NUCB2: variants seen among roughly 807,000 people sequenced by gnomAD.
NUCB2 encodes nucleobindin 2, also known as nucleobindin-2.
Under a neutral mutation model 57.9 loss-of-function variants are expected in NUCB2, and 48 were observed. The observed-to-expected ratio is 0.83, with a 90% CI of 0.66 to 1.05. NUCB2 has a LOEUF of 1.05. Among genes scored for constraint, NUCB2 ranks in the 50% least tolerant of loss-of-function variants. The probability of loss-of-function intolerance (pLI) is 0.00; values close to 1 mark genes in which losing one functional copy is unlikely to be tolerated. For missense variants in NUCB2, 442 were observed against 476.2 expected, an observed-to-expected ratio of 0.93 and a Z score of 0.67; for synonymous variants, 139 against 152.1, an observed-to-expected ratio of 0.91 and a Z score of 0.64.
chr11:17,285,031 A>G (rs747435044), intron 2 of NUCB2, among the ~76,000 whole-genome samples: 4 of 152,166 alleles, frequency 2.6e-5, no homozygotes, highest in Non-Finnish European at 4.4e-5. Context: ...ACATACATAC[A>G]TACATACATA....
chr11:17,285,433 C>T (rs2138030570), intron 2 of NUCB2, among the ~76,000 whole-genome samples: 1 of 152,194 alleles, frequency 6.6e-6, no homozygotes, highest in African/African-American at 2.4e-5. Flanking sequence ...AAAAATTAGC[C>T]AGGCATGGTG....
intron 4 of NUCB2, among the ~76,000 whole-genome samples, chr11:17,299,515 A>G (rs1448779551): frequency 6.6e-6 from 1 of 152,212 alleles, no homozygotes; most frequent in Admixed American, 6.5e-5. Flanking sequence ...AAGCTTTTAT[A>G]TATGGAATGA....
intron 2 of NUCB2, among the ~76,000 whole-genome samples, chr11:17,348,981 T>C (rs1953006061): frequency 6.6e-6 from 1 of 152,144 alleles, no homozygotes; most frequent in Non-Finnish European, 1.5e-5. Flanking sequence ...GGTTTCACCA[T>C]GTTGGCCAGG....
At chr11:17,293,824 G>GA (rs1353573578) in intron 2 of NUCB2, among the ~76,000 whole-genome samples, 2 of 152,234 alleles carry the variant, frequency 1.3e-5, no homozygotes, top group Non-Finnish European at 2.9e-5. Flanking sequence ...CCATTTATAT[G>GA]AAATGCCCAG....
intron 4 of NUCB2, among the ~76,000 whole-genome samples, chr11:17,296,476 A>C (rs1299947541): frequency 6.6e-6 from 1 of 152,190 alleles, no homozygotes; most frequent in Non-Finnish European, 1.5e-5. Context: ...AGGAACCCTC[A>C]AGGGAAAATC....
chr11:17,299,673 G>A (rs573048212), intron 4 of NUCB2, among the ~76,000 whole-genome samples: 80 of 152,266 alleles, frequency 5.3e-4, no homozygotes, highest in Non-Finnish European at 9.9e-4. Flanking sequence ...GGAGGCTGAG[G>A]TGGGTGGATT....
At chr11:17,344,844 T>C (rs1565490580) in intron 2 of NUCB2, among the ~76,000 whole-genome samples, 1 of 152,234 alleles carries the variant, frequency 6.6e-6, no homozygotes, top group East Asian at 1.9e-4. Flanking sequence ...CTCTGGTGAC[T>C]TCCTGATAAT....
At chr11:17,306,253 A>G (rs1296531374) in intron 5 of NUCB2, among the ~76,000 whole-genome samples, 1 of 151,904 alleles carries the variant, frequency 6.6e-6, no homozygotes, top group Non-Finnish European at 1.5e-5. Context: ...TGAACATTTA[A>G]CTCTTGGAAT....
intron 11 of NUCB2, among the ~76,000 whole-genome samples, chr11:17,328,673 C>T (rs1950995589): frequency 6.6e-6 from 1 of 152,150 alleles, no homozygotes; most frequent in Non-Finnish European, 1.5e-5. Flanking sequence ...GCGGTAAATG[C>T]TGCCAGGCCT....
chr11:17,335,735 C>T (rs925984228), downstream of NUCB2, among the ~76,000 whole-genome samples: 10 of 152,110 alleles, frequency 6.6e-5, no homozygotes, highest in African/African-American at 2.4e-4. Flanking sequence ...CTCCTGACCT[C>T]GTGATCCACC....
At chr11:17,336,753 C>CAA (rs71047542), downstream of NUCB2, among the ~76,000 whole-genome samples, 819 of 47,464 alleles carry the variant, frequency 0.017, 130 homozygotes, top group African/African-American at 0.053. Context: ...GACTCCGTCT[C>CAA]AAAAAAAAAA....
In NUCB2 at chr11:17,325,312, G is replaced by A. The variant is rs181212203; in HGVS notation, c.1003-4815G>A. Among the ~76,000 whole-genome samples, 528 of 152,194 alleles carry A rather than the reference G, an allele frequency of 3.5e-3. 1 individual carries two copies. The highest frequency in any genetic ancestry group is 0.01 in the Middle Eastern group (3 of 294). ...AAATCTTCAGCTATTATTGTATTGA[G>A]GCCTGTCTTTGTCTTTAGCTCTAAT... On this transcript the variant is annotated intron_variant, in intron 11 of 13. Coordinates refer to ENST00000529010, the MANE Select transcript of NUCB2 (RefSeq NM_005013.4).
intron 2 of NUCB2, chr11:17,286,670 G>A: frequency 6.6e-6 from 1 of 152,180 alleles, no homozygotes; most frequent in East Asian, 1.9e-4. Flanking sequence ...GGGTGATAAA[G>A]GAAAGGAGAA....
intron 11 of NUCB2, among the ~76,000 whole-genome samples, chr11:17,324,215 T>A (rs1395271417): frequency 6.6e-6 from 1 of 152,176 alleles, no homozygotes. Flanking sequence ...TAGTACTACA[T>A]TTGCTTTATC....
intron 2 of NUCB2, among the ~76,000 whole-genome samples, chr11:17,292,921 GCAGTTTCT>G (rs1269940916): frequency 6.6e-6 from 1 of 152,184 alleles, no homozygotes; most frequent in African/African-American, 2.4e-5. Context: ...GTGTTTTAAA[GCAGTTTCT>G]CAGAAACTTT....
chr11:17,288,950 C>CATAT (rs1321140779), intron 2 of NUCB2, among the ~76,000 whole-genome samples: 2 of 33,160 alleles, frequency 6.0e-5, no homozygotes, highest in Non-Finnish European at 9.6e-5. Flanking sequence ...CACACACACA[C>CATAT]ATATATATAT....
At chr11:17,289,026 C>T (rs1944486062) in intron 2 of NUCB2, among the ~76,000 whole-genome samples, 2 of 147,878 alleles carry the variant, frequency 1.4e-5, no homozygotes, top group South Asian at 2.1e-4. Flanking sequence ...GGTGCAGTCT[C>T]GCTCACTGCA....
At chr11:17,311,413 G>A in intron 8 of NUCB2, 130 bp downstream of exon 8, 1 of 635,440 alleles carries the variant, frequency 1.6e-6, no homozygotes, top group Non-Finnish European at 2.7e-6. Context: ...GTTTTTCTAG[G>A]GTAATATGAT....
At chr11:17,340,874 T>A (rs1346251746) in intron 2 of NUCB2, among the ~76,000 whole-genome samples, 1 of 152,212 alleles carries the variant, frequency 6.6e-6, no homozygotes, top group Admixed American at 6.5e-5. Context: ...CATTGGTAGC[T>A]TGATGGGGAT....
Sources: gnomAD v4.1 joint callset for allele counts (sites outside exome capture counted in the v4.1 genomes callset) on GRCh38, gnomAD v4.1.1 for gene constraint, MANE v1.5 for transcripts, NCBI Gene and HGNC (gene_info 2026-07-23, HGNC 2026-07-21) for gene names.